AFG2A: variants seen among roughly 807,000 people sequenced by gnomAD.
AFG2A encodes AAA ATPase AFG2A.
chr4:123,186,704 A>G, the AFG2A span, among the ~76,000 whole-genome samples: 2 of 152,222 alleles, frequency 1.3e-5, no homozygotes, highest in African/African-American at 4.8e-5. Context: ...AGGAAAAAAT[A>G]AAAACTGTAT....
chr4:123,186,336 A>G, the AFG2A span, among the ~76,000 whole-genome samples: 19,373 of 152,220 alleles, frequency 0.13, 1,368 homozygotes, highest in Middle Eastern at 0.21. Context: ...AATCCCAGCA[A>G]TGGAAAGTTT....
the AFG2A span, among the ~76,000 whole-genome samples, chr4:123,180,040 T>A: frequency 6.6e-6 from 1 of 151,900 alleles, no homozygotes; most frequent in South Asian, 2.1e-4. Context: ...GCCAACCTGG[T>A]GAAATCTCAT....
At chr4:123,224,037 T>A in the AFG2A span, among the ~76,000 whole-genome samples, 2 of 152,164 alleles carry the variant, frequency 1.3e-5, no homozygotes, top group Non-Finnish European at 2.9e-5. Flanking sequence ...TCTGTAGGAG[T>A]TTTACAGCTT....
chr4:123,157,208 G>A, the AFG2A span, among the ~76,000 whole-genome samples: 8 of 151,348 alleles, frequency 5.3e-5, no homozygotes, highest in African/African-American at 1.9e-4. Context: ...TTTTTAAGTA[G>A]AGACAGGGTT....
the AFG2A span, among the ~76,000 whole-genome samples, chr4:122,925,190 C>G: frequency 6.6e-6 from 1 of 152,148 alleles, no homozygotes; most frequent in Non-Finnish European, 1.5e-5. Context: ...TGTTTATTAC[C>G]TAAATATTTT....
the AFG2A span, among the ~76,000 whole-genome samples, chr4:123,001,381 T>C: frequency 6.6e-6 from 1 of 152,194 alleles, no homozygotes; most frequent in African/African-American, 2.4e-5. Flanking sequence ...TTCTAGTTCT[T>C]CTAATTGTGA....
chr4:123,110,019 A>G, the AFG2A span, among the ~76,000 whole-genome samples: 1,358 of 151,336 alleles, frequency 9.0e-3, 10 homozygotes, highest in Non-Finnish European at 0.014. Context: ...GAAAGTTAGT[A>G]TTTTCTGTTT....
At chr4:123,233,188 G>A in the AFG2A span, among the ~76,000 whole-genome samples, 1 of 150,234 alleles carries the variant, frequency 6.7e-6, no homozygotes, top group African/African-American at 2.5e-5. Flanking sequence ...TAGACTTGTC[G>A]TTAAAGTTTT....
At chr4:123,128,256 T>A in the AFG2A span, among the ~76,000 whole-genome samples, 2 of 152,180 alleles carry the variant, frequency 1.3e-5, no homozygotes, top group African/African-American at 4.8e-5. Flanking sequence ...TGCGTTTAAG[T>A]TCAGAAATGC....
chr4:122,936,003 A>G, the AFG2A span: 1 of 1,294,976 alleles, frequency 7.7e-7, no homozygotes, highest in Non-Finnish European at 1.0e-6. Flanking sequence ...AAGTAATTTT[A>G]AGTATTATAG....
At chr4:123,085,175 G>T in the AFG2A span, among the ~76,000 whole-genome samples, 4 of 152,136 alleles carry the variant, frequency 2.6e-5, no homozygotes, top group Admixed American at 6.6e-5. Context: ...TATGAAGAAT[G>T]TGTTGGCTGT....
At chr4:122,936,206 G>C in the AFG2A span, 2 of 1,445,138 alleles carry the variant, frequency 1.4e-6, no homozygotes, top group South Asian at 2.6e-5. Context: ...GGCTGTATTA[G>C]TCAAAGTGAG....
At chr4:123,222,875 T>C in the AFG2A span, among the ~76,000 whole-genome samples, 1 of 152,200 alleles carries the variant, frequency 6.6e-6, no homozygotes, top group South Asian at 2.1e-4. Context: ...ATTTCCTTCT[T>C]TTTAAAGACT....
At chr4:123,006,185 C>T in the AFG2A span, among the ~76,000 whole-genome samples, 5 of 151,708 alleles carry the variant, frequency 3.3e-5, no homozygotes, top group East Asian at 5.8e-4. Context: ...TCTAGGTTGA[C>T]ATTCCTCCCT....
chr4:123,257,832 T>C, the AFG2A span, among the ~76,000 whole-genome samples: 25 of 152,320 alleles, frequency 1.6e-4, no homozygotes, highest in Non-Finnish European at 3.5e-4. Context: ...TATGCCTTTC[T>C]CACTTTGAAG....
At chr4:122,945,744 G>A in the AFG2A span, among the ~76,000 whole-genome samples, 1,670 of 152,320 alleles carry the variant, frequency 0.011, 14 homozygotes, top group Middle Eastern at 0.075. Flanking sequence ...TGTTGCTCAC[G>A]CTGGGAGCTG....
At chr4:123,299,230 G>T in the AFG2A span, among the ~76,000 whole-genome samples, 5 of 152,046 alleles carry the variant, frequency 3.3e-5, no homozygotes, top group Non-Finnish European at 7.4e-5. Context: ...ACAGACTTGT[G>T]AAGTAATTAA....
At chr4:123,184,198 T>C in the AFG2A span, among the ~76,000 whole-genome samples, 1 of 152,104 alleles carries the variant, frequency 6.6e-6, no homozygotes, top group Non-Finnish European at 1.5e-5. Context: ...AACATTTAGG[T>C]TTCTCTGAAA....
the AFG2A span, among the ~76,000 whole-genome samples, chr4:123,065,314 C>T: frequency 1.3e-5 from 2 of 152,082 alleles, no homozygotes; most frequent in Non-Finnish European, 2.9e-5. Context: ...ATAGGCTTTG[C>T]GTTGGGGATA....
Sources: gnomAD v4.1 joint callset for allele counts (sites outside exome capture counted in the v4.1 genomes callset) on GRCh38, gnomAD v4.1.1 for gene constraint, MANE v1.5 for transcripts, NCBI Gene and HGNC (gene_info 2026-07-23, HGNC 2026-07-21) for gene names.